The following LMNTD1 variants were observed in gnomAD, a reference collection of about 807,000 sequenced individuals.
LMNTD1 encodes the protein lamin tail domain-containing protein 1.
A neutral mutation model predicts 50.9 loss-of-function variants in LMNTD1; 35 were observed. That is an observed-to-expected ratio of 0.69 (90% confidence interval 0.53 to 0.91). The LOEUF is 0.91. Ranked by LOEUF, LMNTD1 falls within the 40% of genes least tolerant of loss-of-function variation. LMNTD1 has a pLI of 0.00. For missense variants in LMNTD1, 470 were observed against 475.5 expected (o/e 0.99, Z 0.11); for synonymous variants, 153 against 161.9 (o/e 0.94, Z 0.42).
intron 9 of LMNTD1, among the ~76,000 whole-genome samples, chr12:25,482,200 G>A (rs953133461): frequency 6.6e-6 from 1 of 151,984 alleles, no homozygotes; most frequent in African/African-American, 2.4e-5. Flanking sequence ...ATGAGGTAAA[G>A]TGATGAACTG....
intron 1 of LMNTD1, among the ~76,000 whole-genome samples, chr12:25,626,355 C>CAT (rs200153646): frequency 0.018 from 2,745 of 151,840 alleles, 79 homozygotes; most frequent in African/African-American, 0.062. Flanking sequence ...CACACACACA[C>CAT]ATATATATAC....
At chr12:25,559,160 A>C (rs1025996330) in intron 1 of LMNTD1, among the ~76,000 whole-genome samples, 7 of 151,884 alleles carry the variant, frequency 4.6e-5, no homozygotes, top group African/African-American at 1.7e-4. Flanking sequence ...CTCGTCATTT[A>C]CATTAGGTAT....
rs866021290 is a variant in LMNTD1 at position 25,547,237 on chromosome 12, C to G, written c.311-683G>C. 3 of 936,304 alleles carry G rather than the reference C, an allele frequency of 3.2e-6. No homozygotes were observed. The African/African-American group carries it at 5.3e-5, about 17-fold the overall frequency. The allele number at this position is 936,304 out of a possible 1,614,324, so 58.0% of individuals were successfully genotyped here. On this transcript the variant is annotated intron_variant, in intron 3 of 9. Transcript: ENST00000458174. ...AAGGGGGAGTTACATTACAAAGACG[C>G]GTCGTGATGAAGTGGAAAGAACAAC... is the stretch of plus-strand genomic sequence containing the variant.
intron 1 of LMNTD1, among the ~76,000 whole-genome samples, chr12:25,589,281 G>T (rs1459315903): frequency 6.6e-6 from 1 of 152,022 alleles, no homozygotes; most frequent in Non-Finnish European, 1.5e-5. Flanking sequence ...ACATGTTAAA[G>T]AAAACAAATT....
intron 1 of LMNTD1, among the ~76,000 whole-genome samples, chr12:25,586,913 G>C (rs1434133730): frequency 1.3e-5 from 2 of 152,112 alleles, no homozygotes; most frequent in African/African-American, 4.8e-5. Context: ...CATGCCCTTT[G>C]TGACCTGACT....
intron 4 of LMNTD1, among the ~76,000 whole-genome samples, chr12:25,538,599 G>A (rs1366162642): frequency 7.0e-6 from 1 of 142,118 alleles, no homozygotes; most frequent in Non-Finnish European, 1.5e-5. Flanking sequence ...GGAACAACCG[G>A]TACCAGCCGC....
At chr12:25,621,278 G>A (rs1456357903) in intron 1 of LMNTD1, among the ~76,000 whole-genome samples, 3 of 152,130 alleles carry the variant, frequency 2.0e-5, no homozygotes, top group Admixed American at 6.5e-5. Flanking sequence ...AGGCTGGAGT[G>A]CAGTGGCATG....
chr12:25,623,581 A>AC (rs1565525103), intron 1 of LMNTD1, among the ~76,000 whole-genome samples: 2 of 137,470 alleles, frequency 1.5e-5, no homozygotes, highest in African/African-American at 2.8e-5. Context: ...AAAAAAAAAA[A>AC]GGAGAGAAAG....
intron 9 of LMNTD1, among the ~76,000 whole-genome samples, chr12:25,477,736 CT>C (rs1340816113): frequency 6.6e-6 from 1 of 151,994 alleles, no homozygotes; most frequent in Non-Finnish European, 1.5e-5. Context: ...TCCCATTGAC[CT>C]TTATCACAGG....
At chr12:25,515,468 T>C (rs1180561023) in intron 8 of LMNTD1, among the ~76,000 whole-genome samples, 1 of 152,052 alleles carries the variant, frequency 6.6e-6, no homozygotes, top group Non-Finnish European at 1.5e-5. Flanking sequence ...TGGATCCATA[T>C]GCATGTAAAC....
chr12:25,479,788 A>G (rs935465762), intron 9 of LMNTD1, among the ~76,000 whole-genome samples: 12 of 152,320 alleles, frequency 7.9e-5, no homozygotes, highest in Non-Finnish European at 7.3e-5. Flanking sequence ...TCATGATAGA[A>G]GAGGTCCAAT....
At chr12:25,499,417 C>G (rs1284368474) in intron 9 of LMNTD1, among the ~76,000 whole-genome samples, 1 of 151,676 alleles carries the variant, frequency 6.6e-6, no homozygotes, top group Non-Finnish European at 1.5e-5. Flanking sequence ...TTTTTTTTTC[C>G]CTGTGAACTC....
At chr12:25,577,560 T>C (rs966016358) in intron 1 of LMNTD1, among the ~76,000 whole-genome samples, 1 of 152,196 alleles carries the variant, frequency 6.6e-6, no homozygotes, top group Non-Finnish European at 1.5e-5. Context: ...CTGAAGTTGC[T>C]TATCAGCTTA....
upstream of LMNTD1, among the ~76,000 whole-genome samples, chr12:25,556,253 G>A (rs926377865): frequency 6.6e-6 from 1 of 152,124 alleles, no homozygotes; most frequent in Non-Finnish European, 1.5e-5. Flanking sequence ...GATTACAGGT[G>A]TGAGCCATTG....
intron 1 of LMNTD1, among the ~76,000 whole-genome samples, chr12:25,640,022 C>T (rs1946918128): frequency 6.6e-6 from 1 of 152,042 alleles, no homozygotes; most frequent in Admixed American, 6.6e-5. Context: ...TGAAAACATG[C>T]TAAGTGAAAG....
chr12:25,635,096 C>T (rs545549021), intron 1 of LMNTD1, among the ~76,000 whole-genome samples: 21 of 151,842 alleles, frequency 1.4e-4, no homozygotes, highest in African/African-American at 3.4e-4. Flanking sequence ...CAAAATTAGC[C>T]GGGCATCGTG....
intron 4 of LMNTD1, among the ~76,000 whole-genome samples, chr12:25,537,452 A>G (rs1262419535): frequency 6.6e-6 from 1 of 152,208 alleles, no homozygotes; most frequent in Non-Finnish European, 1.5e-5. Flanking sequence ...GGCACCCTCC[A>G]GCAGGGGCAC....
rs117680562 is a variant in LMNTD1, at chr12:25,558,478, T to A, written c.59-11924A>T. On this transcript the variant is annotated intron_variant, in intron 1 of 7. Transcript: ENST00000445693. ...GTTTTGGTATATGTGTTTCCATTATTTGTTTCAAGAAATTTTCAATTTTCT... is the reference window on the plus strand; with the variant it reads ...GTTTTGGTATATGTGTTTCCATTATATGTTTCAAGAAATTTTCAATTTTCT... Among the ~76,000 whole-genome samples, 1,079 of 152,360 alleles carry A rather than the reference T, an allele frequency of 7.1e-3. 3 individuals are homozygous for A. The highest frequency in any genetic ancestry group is 0.011 in the Admixed American group (162 of 15,304).
At chr12:25,596,474 T>C (rs1462288840) in intron 1 of LMNTD1, among the ~76,000 whole-genome samples, 4 of 151,910 alleles carry the variant, frequency 2.6e-5, no homozygotes, top group Non-Finnish European at 5.9e-5. Flanking sequence ...AAAACAAAAA[T>C]TACATGATCA....
Sources: allele counts gnomAD v4.1 joint callset (sites outside exome capture counted in the v4.1 genomes callset), GRCh38; gene constraint gnomAD v4.1.1; transcripts MANE v1.5; gene names NCBI Gene and HGNC (gene_info 2026-07-23, HGNC 2026-07-21).